The following THEM4 variants were observed in gnomAD, a reference collection of about 807,000 sequenced individuals.
THEM4 encodes thioesterase superfamily member 4.
In THEM4, 22 loss-of-function variants were observed where a neutral mutation model predicts 25.0. The observed-to-expected ratio is 0.88, with a 90% confidence interval of 0.63 to 1.26. THEM4 has a LOEUF of 1.26. Ranked by LOEUF, THEM4 falls within the 50% of genes most tolerant of loss-of-function variation. The pLI is 0.00. For synonymous variants in THEM4, 113 were observed against 105.6 expected, an observed-to-expected ratio of 1.07 and a Z score of -0.43; for missense variants, 286 against 300.3, an observed-to-expected ratio of 0.95 and a Z score of 0.35.
chr1:151,890,033 AG>A (rs1368422034), intron 2 of THEM4: 1 of 267,192 alleles, frequency 3.7e-6, no homozygotes, highest in African/African-American at 2.2e-5. Flanking sequence ...CAGCCTCCTG[AG>A]TAGCTGGGAT....
Position 151,909,386 on chromosome 1 carries a change from G to C in THEM4, c.73C>G (p.Pro25Ala). 6.6e-7 allele frequency: 1 copy of C among 1,505,796 alleles called. No individual in the cohort carries two copies. Among genetic ancestry groups the C allele is most frequent in the Non-Finnish European group, 8.8e-7 (1 of 1,133,622 alleles). The allele number at this position is 1,505,796 out of a possible 1,614,324, so 93.3% of individuals were successfully genotyped here. ...LCLPPVGRRL[P>A]GSEPRPELRS... ...AGCTCGGGTCGCGGCTCGCTTCCCGGCAGGCGCCGGCCTACTGGCGGCAGG... is the reference window on the plus strand; with the variant it reads ...AGCTCGGGTCGCGGCTCGCTTCCCGCCAGGCGCCGGCCTACTGGCGGCAGG... The change falls in exon 1 of 6, where the codon CCG (proline) becomes GCG (alanine). Residue 25 changes from proline to alanine, a missense_variant. Coordinates refer to ENST00000368814, the MANE Select transcript of THEM4 (RefSeq NM_053055.5).
In THEM4 at chr1:151,874,373, T is replaced by TTG. The variant is rs1553298694; in HGVS notation, c.*514_*515insCA. 2.7e-5 allele frequency: 4 copies of TTG among 148,664 alleles called. No individual in the cohort carries two copies. Among genetic ancestry groups the TTG allele is most frequent in the Admixed American group, 1.4e-4 (2 of 13,876 alleles). The allele number at this position is 148,664 out of a possible 1,614,324, so 9.2% of individuals were successfully genotyped here. A position where few individuals can be genotyped will look rare whatever the true frequency, so the allele number is the denominator to read the frequency against. On this transcript the variant is annotated 3_prime_UTR_variant, in exon 6 of 6. Coordinates refer to ENST00000368814, the MANE Select transcript of THEM4 (RefSeq NM_053055.5). Reference sequence around the variant, plus strand: ...TCCTAAGGAGACAAGAGTTTTTTTTTTTTGTTTGTTTGTTTGTTTGAGATG... The same window carrying TTG: ...TCCTAAGGAGACAAGAGTTTTTTTTTTGTTTGTTTGTTTGTTTGTTTGAGATG...
chr1:151,873,972 A>C lies in THEM4; in HGVS notation c.*916T>G, dbSNP rs1205849251. 6.6e-6 allele frequency: 1 copy of C among 152,242 alleles called. No individual in the cohort carries two copies. Among genetic ancestry groups the C allele is most frequent in the African/African-American group, 2.4e-5 (1 of 41,466 alleles). The allele number at this position is 152,242 out of a possible 1,614,324, so 9.4% of individuals were successfully genotyped here. A position where few individuals can be genotyped will look rare whatever the true frequency, so the allele number is the denominator to read the frequency against. On this transcript the variant is annotated 3_prime_UTR_variant, in exon 6 of 6. Transcript: ENST00000368814. ...ACAATCCAGTTTGTACTACTTTGCT[A>C]CAGCAGCCCTAGGAAATGAACACAG... is the stretch of plus-strand genomic sequence containing the variant.
At chr1:151,875,068 C>T in intron 5 of THEM4, 140 bp from the exon 6 acceptor site, 3 of 738,122 alleles carry the variant, frequency 4.1e-6, no homozygotes, top group Non-Finnish European at 4.6e-6. Context: ...TCTCATTTTT[C>T]AGCCAAATTA....
chr1:151,889,252 G>A lies in THEM4; in HGVS notation c.408C>T (p.Cys136=). ...FYNDIEKRMV[C]LFQGGPYLEG... ...CCAGGTAAGGGCCTCCTTGAAATAA[G>A]CAAACCATCCTTTTCTCAATGTCAT... Residue 136 remains cysteine (C), a synonymous_variant, in exon 3 of 6, where the codon TGC becomes TGT. Transcript: ENST00000368814. 6.2e-7 allele frequency: 1 copy of A among 1,613,452 alleles called. No homozygotes were observed.
intron 2 of THEM4, chr1:151,889,825 T>C (rs1394429333): frequency 1.3e-5 from 2 of 156,512 alleles, no homozygotes; most frequent in Non-Finnish European, 2.8e-5. Flanking sequence ...ACTCAAGTGA[T>C]TGTGACTCTA....
Position 151,909,475 on chromosome 1 carries a change from G to A in THEM4, c.-17C>T. 4 of 1,375,402 alleles carry A rather than the reference G, an allele frequency of 2.9e-6. No homozygotes were observed. The highest frequency in any genetic ancestry group is 1.7e-5 in the South Asian group (1 of 60,010). The allele number at this position is 1,375,402 out of a possible 1,614,324, so 85.2% of individuals were successfully genotyped here. A position where few individuals can be genotyped will look rare whatever the true frequency, so the allele number is the denominator to read the frequency against. The stretch of plus-strand genomic sequence containing the variant: ...CCTCAGCATGGCTCCGGGCCGCGGG[G>A]CCGCGCTTGCTCTAGCCCTGGACGG... On this transcript the variant is annotated 5_prime_UTR_variant, in exon 1 of 6. Transcript: ENST00000368814.
At chr1:151,880,403 A>T (rs574430997) in intron 4 of THEM4, among the ~76,000 whole-genome samples, 10 of 152,106 alleles carry the variant, frequency 6.6e-5, no homozygotes, top group African/African-American at 2.2e-4. Flanking sequence ...GCTTGAATCC[A>T]GCAGGCGGAG....
In THEM4 at chr1:151,871,325, G is replaced by GAA. The variant is rs11304399; in HGVS notation, c.*3561_*3562dup. 8.9e-4 allele frequency among the ~76,000 whole-genome samples: 110 copies of GAA among 123,710 alleles called. No homozygotes were observed. The highest frequency in any genetic ancestry group is 3.2e-3 in the African/African-American group (104 of 32,472). 81.2% of individuals were successfully genotyped at this position (123,710 alleles called of 152,430 possible). A position where few individuals can be genotyped will look rare whatever the true frequency, so the allele number is the denominator to read the frequency against. On this transcript the variant is annotated 3_prime_UTR_variant, in exon 6 of 6. Transcript: ENST00000368814. ...AGGCGACAGAGCCAGACCCTGTCTT[G>GAA]AAAAAAAAAAAAAAAAAAGAAAAAG...
At chr1:151,901,804 C>T (rs1216586939) in intron 1 of THEM4, among the ~76,000 whole-genome samples, 1 of 152,110 alleles carries the variant, frequency 6.6e-6, no homozygotes, top group African/African-American at 2.4e-5. Flanking sequence ...GATTGTGCCA[C>T]TGCACTCCAG....
intron 4 of THEM4, among the ~76,000 whole-genome samples, chr1:151,882,609 T>G (rs570636066): frequency 6.6e-6 from 1 of 152,316 alleles, no homozygotes; most frequent in African/African-American, 2.4e-5. Flanking sequence ...ATTTTGCATT[T>G]GAGCTTGTTT....
intron 1 of THEM4, among the ~76,000 whole-genome samples, chr1:151,907,961 C>A (rs140840384): frequency 2.6e-5 from 4 of 152,284 alleles, no homozygotes; most frequent in Admixed American, 2.0e-4. Flanking sequence ...GGCTCCAAGG[C>A]GCCGGCATGG....
In THEM4 at chr1:151,909,455, G is replaced by A; in HGVS notation, c.4C>T (p.Leu2=). 7.1e-7 allele frequency: 1 copy of A among 1,410,814 alleles called. No homozygotes were observed. The highest frequency in any genetic ancestry group is 9.2e-7 in the Non-Finnish European group (1 of 1,091,910). 87.4% of individuals were successfully genotyped at this position (1,410,814 alleles called of 1,614,324 possible). The change falls in exon 1 of 6, where the codon CTG becomes TTG. Residue 2 remains leucine, a synonymous_variant. Transcript: ENST00000368814. M[L]RSCAARLRTL... ...CGGAGGCGCGCGGCGCAGCTCCTCAGCATGGCTCCGGGCCGCGGGGCCGCG... is the reference window on the plus strand; with the variant it reads ...CGGAGGCGCGCGGCGCAGCTCCTCAACATGGCTCCGGGCCGCGGGGCCGCG...
In THEM4 at chr1:151,895,014, A is replaced by T; in HGVS notation, c.280T>A (p.Phe94Ile). The T allele has an allele frequency of 6.2e-7, 1 of 1,614,138 alleles. No homozygotes were observed. Among genetic ancestry groups the T allele is most frequent in the Non-Finnish European group, 8.5e-7 (1 of 1,180,016 alleles). Residue 94 changes from phenylalanine (F) to isoleucine (I), a missense_variant, in exon 2 of 6, where the codon TTT becomes ATT. Physicochemically the swap from Phe to Ile is conservative, Grantham distance 21. Coordinates refer to ENST00000368814, the MANE Select transcript of THEM4 (RefSeq NM_053055.5). ...GGAAAGTGGCTGTTTCTACCAAGAA[A>T]ATGGGTTTTGAAGTCTTGAATCCAT... is the stretch of plus-strand genomic sequence containing the variant. ...TEWIQDFKTH[F>I]LDPKLMKEEQ...
At chr1:151,899,737 G>A (rs959262573) in intron 1 of THEM4, among the ~76,000 whole-genome samples, 3 of 152,124 alleles carry the variant, frequency 2.0e-5, no homozygotes, top group African/African-American at 7.2e-5. Context: ...ATATTTGGGG[G>A]AATAATCGAG....
chr1:151,906,326 C>T (rs1364330884), intron 1 of THEM4, among the ~76,000 whole-genome samples: 1 of 152,372 alleles, frequency 6.6e-6, no homozygotes, highest in Non-Finnish European at 1.5e-5. Context: ...AGTGCCGGCC[C>T]ACTGGCGCTG....
At chr1:151,877,202 G>C (rs918884077) in intron 4 of THEM4, 77 bp from the exon 5 acceptor site, 3 of 1,441,380 alleles carry the variant, frequency 2.1e-6, no homozygotes, top group Non-Finnish European at 2.8e-6. Flanking sequence ...TCAAGTACAT[G>C]ACAAGGGATA....
intron 5 of THEM4, 64 bp from the exon 6 acceptor site, chr1:151,874,992 T>A: frequency 8.1e-7 from 1 of 1,235,586 alleles, no homozygotes; most frequent in Non-Finnish European, 1.2e-6. Context: ...TGGACTACTC[T>A]AAATAGAAAG....
rs73009654 is a variant in THEM4 at position 151,885,937 on chromosome 1, A to G, written c.557+2336T>C. Among the ~76,000 whole-genome samples the G allele has an allele frequency of 9.0e-3, 1,368 of 152,352 alleles. 30 individuals carry two copies. Among genetic ancestry groups the G allele is most frequent in the African/African-American group, 0.032 (1,316 of 41,578 alleles). On this transcript the variant is annotated intron_variant, in intron 4 of 5. Coordinates refer to ENST00000368814, the MANE Select transcript of THEM4 (RefSeq NM_053055.5). The stretch of plus-strand genomic sequence containing the variant: ...ATAATCCCAGGTTGTTACCTGTAGC[A>G]TCTTGAAGGACTGTCAAGTAATCAT...
Sources: gnomAD v4.1 joint callset for allele counts (sites outside exome capture counted in the v4.1 genomes callset) on GRCh38, gnomAD v4.1.1 for gene constraint, MANE v1.5 for transcripts, NCBI Gene and HGNC (gene_info 2026-07-23, HGNC 2026-07-21) for gene names.